The following GLIS1 variants were observed in gnomAD, a reference collection of about 807,000 sequenced individuals.
GLIS1 encodes the protein GLIS family zinc finger 1.
A neutral mutation model predicts 63.8 loss-of-function variants in GLIS1; 24 were observed. The ratio of observed to expected loss-of-function variants is 0.38; its 90% CI spans 0.27 to 0.53. GLIS1 has a LOEUF of 0.53. Among genes scored for constraint, GLIS1 ranks in the 20% least tolerant of loss-of-function variants. GLIS1 has a pLI of 0.85. For synonymous variants in GLIS1, 450 were observed against 482.5 expected (o/e 0.93, Z 0.88); for missense variants, 1,036 against 1,074.1 (o/e 0.96, Z 0.50).
chr1:53,668,133 G>T (rs1413726359), intron 2 of GLIS1, among the ~76,000 whole-genome samples: 4 of 152,098 alleles, frequency 2.6e-5, no homozygotes, highest in Non-Finnish European at 5.9e-5. Context: ...ATTACACCTG[G>T]GTTTCTCAAC....
intron 4 of GLIS1, among the ~76,000 whole-genome samples, 165 bp from the exon 5 acceptor site, chr1:53,530,117 G>A (rs1557434564): frequency 6.6e-6 from 1 of 152,232 alleles, no homozygotes; most frequent in Non-Finnish European, 1.5e-5. Flanking sequence ...TCAGGGCCCA[G>A]GCCTTATCTG....
At chr1:53,552,275 A>G in intron 4 of GLIS1, among the ~76,000 whole-genome samples, 1 of 152,142 alleles carries the variant, frequency 6.6e-6, no homozygotes, top group Admixed American at 6.5e-5. Context: ...GTGTCCCGGT[A>G]GGAGGGGGAC....
At chr1:53,661,238 C>G (rs1011285225) in intron 2 of GLIS1, among the ~76,000 whole-genome samples, 1 of 152,070 alleles carries the variant, frequency 6.6e-6, no homozygotes, top group African/African-American at 2.4e-5. Context: ...GGCCCTCACC[C>G]AGTCGAGACA....
At chr1:53,720,564 C>T (rs1221418312) in intron 2 of GLIS1, among the ~76,000 whole-genome samples, 1 of 152,070 alleles carries the variant, frequency 6.6e-6, no homozygotes, top group Non-Finnish European at 1.5e-5. Context: ...AGAATAAGAT[C>T]TAGCATTTGG....
intron 2 of GLIS1, among the ~76,000 whole-genome samples, chr1:53,704,796 G>A (rs774878990): frequency 3.3e-5 from 5 of 152,188 alleles, no homozygotes; most frequent in East Asian, 1.9e-4. Flanking sequence ...GCACTGGCTC[G>A]TAGTGAGAGA....
intron 2 of GLIS1, among the ~76,000 whole-genome samples, chr1:53,722,273 C>A (rs931581213): frequency 6.6e-5 from 10 of 152,134 alleles, no homozygotes; most frequent in African/African-American, 2.4e-4. Flanking sequence ...GGGAATCTAT[C>A]CTACAAAAAT....
At chr1:53,694,778 T>TA (rs1646447070) in intron 2 of GLIS1, among the ~76,000 whole-genome samples, 2 of 152,146 alleles carry the variant, frequency 1.3e-5, no homozygotes, top group Admixed American at 6.5e-5. Flanking sequence ...CATAGTAAAT[T>TA]AACGCTGCCT....
chr1:53,579,636 A>C (rs1645065896), intron 4 of GLIS1, among the ~76,000 whole-genome samples: 1 of 152,232 alleles, frequency 6.6e-6, no homozygotes. Flanking sequence ...AGCTGGAAGC[A>C]GCCCTCACTC....
At chr1:53,652,352 G>C (rs1004733919) in intron 2 of GLIS1, among the ~76,000 whole-genome samples, 3 of 152,158 alleles carry the variant, frequency 2.0e-5, no homozygotes, top group Non-Finnish European at 2.9e-5. Context: ...TGGGAGCTCA[G>C]TGGGGGAAGG....
chr1:53,624,917 A>T (rs1390814817), intron 2 of GLIS1, among the ~76,000 whole-genome samples: 1 of 152,250 alleles, frequency 6.6e-6, no homozygotes, highest in African/African-American at 2.4e-5. Flanking sequence ...TCAACAGAAG[A>T]CACACACATG....
Position 53,737,974 on chromosome 1 carries a change from C to T in GLIS1, c.91G>A (p.Gly31Ser), listed in dbSNP as rs911094085. The change falls in exon 2 of 11, where the codon GGC (glycine) becomes AGC (serine). Residue 31 changes from glycine (G) to serine (S), a missense_variant. Physicochemically the swap from Gly to Ser is moderately conservative, Grantham distance 56. Around this residue, in one of 3 missense-constraint regions of GLIS1, gnomAD observed 592 missense variants for 593.9 expected, o/e 1.00. Transcript: ENST00000628545. ...GTGACCCTGAAGGCCATGTGCGCGC[C>T]GAGGCTGGCGGGGCCGCGGTCGGGG... ...PGPDRGPASL[G>S]AHMAFRVTVS... is the part of the protein sequence containing the mutation. The T allele has an allele frequency of 1.6e-6, 2 of 1,230,208 alleles. No individual in the cohort carries two copies. The highest frequency in any genetic ancestry group is 2.0e-6 in the Non-Finnish European group (2 of 987,030). 76.2% of individuals were successfully genotyped at this position (1,230,208 alleles called of 1,614,324 possible). A position where few individuals can be genotyped will look rare whatever the true frequency, so the allele number is the denominator to read the frequency against.
At chr1:53,623,920 G>A (rs1645569981) in intron 2 of GLIS1, among the ~76,000 whole-genome samples, 1 of 152,130 alleles carries the variant, frequency 6.6e-6, no homozygotes, top group South Asian at 2.1e-4. Context: ...AATGAGGAGA[G>A]ATACTATGTT....
intron 7 of GLIS1, 56 bp from the exon 8 acceptor site, chr1:53,514,837 T>G (rs1569724325): frequency 1.3e-6 from 2 of 1,498,182 alleles, no homozygotes; most frequent in East Asian, 2.4e-5. Context: ...GAGATGGTTG[T>G]GATGGCCCAG....
At chr1:53,654,374 G>A (rs1645941290) in intron 2 of GLIS1, among the ~76,000 whole-genome samples, 1 of 152,222 alleles carries the variant, frequency 6.6e-6, no homozygotes, top group South Asian at 2.1e-4. Context: ...GAGAGGAGCA[G>A]GTCGGGGGCC....
intron 2 of GLIS1, among the ~76,000 whole-genome samples, chr1:53,654,779 C>G (rs746790918): frequency 6.6e-6 from 1 of 151,992 alleles, no homozygotes; most frequent in Non-Finnish European, 1.5e-5. Context: ...AGCGTCGTGC[C>G]GCTACAGATG....
intron 2 of GLIS1, among the ~76,000 whole-genome samples, chr1:53,620,100 T>C (rs2100593717): frequency 6.6e-6 from 1 of 152,372 alleles, no homozygotes; most frequent in African/African-American, 2.4e-5. Context: ...GCATTAATCC[T>C]GCTGGAGAGA....
intron 4 of GLIS1, among the ~76,000 whole-genome samples, chr1:53,546,886 A>G (rs1644704420): frequency 6.6e-6 from 1 of 152,120 alleles, no homozygotes; most frequent in African/African-American, 2.4e-5. Context: ...CCTTCCTTCC[A>G]TCACAGCCCC....
intron 2 of GLIS1, among the ~76,000 whole-genome samples, chr1:53,659,997 C>T (rs972576734): frequency 3.3e-5 from 5 of 152,168 alleles, no homozygotes; most frequent in South Asian, 2.1e-4. Context: ...CTTTCCCTCT[C>T]GAGCCCCTTT....
At chr1:53,680,137 C>T (rs2100424730) in intron 2 of GLIS1, among the ~76,000 whole-genome samples, 1 of 152,188 alleles carries the variant, frequency 6.6e-6, no homozygotes, top group Admixed American at 6.5e-5. Flanking sequence ...GGCAGGTCTC[C>T]ACTCACAGGA....
Sources: gnomAD v4.1 joint callset for allele counts (sites outside exome capture counted in the v4.1 genomes callset) on GRCh38, gnomAD v4.1.1 for gene constraint, gnomAD v4.1.1 regional missense constraint, MANE v1.5 for transcripts, NCBI Gene and HGNC (gene_info 2026-07-23, HGNC 2026-07-21) for gene names.